Variants in SUGCT observed in about 807,000 individuals in gnomAD.
SUGCT encodes succinyl-CoA:glutarate-CoA transferase.
Under a neutral mutation model 55.0 loss-of-function variants are expected in SUGCT, and 41 were observed. The observed-to-expected ratio is 0.74, with a 90% CI of 0.58 to 0.97. The LOEUF is 0.97. SUGCT is among the 50% of genes least tolerant of loss of function. The pLI is 0.00. For missense variants in SUGCT, 568 were observed against 547.8 expected, an observed-to-expected ratio of 1.04 and a Z score of -0.37; for synonymous variants, 187 against 200.4, an observed-to-expected ratio of 0.93 and a Z score of 0.56.
intron 12 of SUGCT, among the ~76,000 whole-genome samples, chr7:40,714,414 C>A (rs945623691): frequency 1.3e-5 from 2 of 152,090 alleles, no homozygotes; most frequent in East Asian, 1.9e-4. Flanking sequence ...TCAAAAGATT[C>A]TCTGAGATTT....
At chr7:40,615,219 G>A (rs982771209) in intron 12 of SUGCT, among the ~76,000 whole-genome samples, 1 of 152,006 alleles carries the variant, frequency 6.6e-6, no homozygotes, top group Non-Finnish European at 1.5e-5. Context: ...AGATCACCCA[G>A]GGAACTACAA....
intron 9 of SUGCT, among the ~76,000 whole-genome samples, chr7:40,340,085 A>G (rs537279498): frequency 2.0e-5 from 3 of 152,320 alleles, no homozygotes; most frequent in East Asian, 3.9e-4. Flanking sequence ...TCTGCCAGAA[A>G]CCAACTCAAT....
At chr7:40,665,482 A>G (rs1410883741) in intron 12 of SUGCT, among the ~76,000 whole-genome samples, 1 of 151,666 alleles carries the variant, frequency 6.6e-6, no homozygotes, top group Non-Finnish European at 1.5e-5. Context: ...TAAATAAAGT[A>G]CTGGCTCAAG....
intron 12 of SUGCT, among the ~76,000 whole-genome samples, chr7:40,548,155 G>A (rs1795095151): frequency 6.9e-6 from 1 of 145,820 alleles, no homozygotes; most frequent in Non-Finnish European, 1.5e-5. Context: ...CTCCAAATAA[G>A]CTATAAACTT....
intron 7 of SUGCT, among the ~76,000 whole-genome samples, chr7:40,246,251 C>CT (rs11387100): frequency 0.51 from 74,963 of 147,186 alleles, 20,291 homozygotes; most frequent in Non-Finnish European, 0.62. Context: ...ATAGCATGTT[C>CT]TTTTTTTTTT....
At chr7:40,601,439 T>C (rs1798282547) in intron 12 of SUGCT, among the ~76,000 whole-genome samples, 1 of 152,218 alleles carries the variant, frequency 6.6e-6, no homozygotes, top group South Asian at 2.1e-4. Context: ...TTCTGAGTGA[T>C]AAAATAATAC....
intron 7 of SUGCT, among the ~76,000 whole-genome samples, chr7:40,270,654 G>A (rs571114196): frequency 6.6e-6 from 1 of 152,196 alleles, no homozygotes; most frequent in Admixed American, 6.5e-5. Context: ...CTCTAACTTT[G>A]TCTTTTTCTA....
intron 12 of SUGCT, among the ~76,000 whole-genome samples, chr7:40,663,533 A>G (rs1801445621): frequency 6.7e-6 from 1 of 149,136 alleles, no homozygotes; most frequent in South Asian, 2.1e-4. Context: ...ATCATTACTT[A>G]AAGGTTTATT....
chr7:40,147,113 C>T (rs593117), intron 1 of SUGCT, among the ~76,000 whole-genome samples: 2 of 151,882 alleles, frequency 1.3e-5, no homozygotes, highest in African/African-American at 2.4e-5. Context: ...GCTGGTCTTT[C>T]CCTGCCTCTG....
intron 9 of SUGCT, among the ~76,000 whole-genome samples, chr7:40,389,369 T>C (rs1785288158): frequency 1.3e-5 from 2 of 152,156 alleles, no homozygotes; most frequent in Admixed American, 6.6e-5. Flanking sequence ...GGAGAATCAA[T>C]TGAGCCCAGG....
intron 6 of SUGCT, among the ~76,000 whole-genome samples, chr7:40,221,167 A>G (rs1361844664): frequency 3.3e-5 from 5 of 152,088 alleles, no homozygotes; most frequent in Admixed American, 3.3e-4. Flanking sequence ...TAATCCCAGC[A>G]CTTTGGGAGG....
chr7:40,298,852 TA>T (rs1794343542), intron 8 of SUGCT, among the ~76,000 whole-genome samples: 2 of 151,998 alleles, frequency 1.3e-5, no homozygotes, highest in African/African-American at 4.8e-5. Context: ...TCACTAGAAA[TA>T]AAAAGTTCCA....
chr7:40,253,568 CA>C (rs1790587544), intron 7 of SUGCT, among the ~76,000 whole-genome samples: 1 of 134,136 alleles, frequency 7.5e-6, no homozygotes, highest in Admixed American at 7.7e-5. Flanking sequence ...AATATATTTA[CA>C]TTTTTTTTTT....
At chr7:40,154,740 G>A (rs538275532) in intron 1 of SUGCT, among the ~76,000 whole-genome samples, 2 of 152,246 alleles carry the variant, frequency 1.3e-5, no homozygotes, top group African/African-American at 2.4e-5. Flanking sequence ...CATTGCCTGC[G>A]TATCTGTGCT....
At chr7:40,888,510 G>A in the SUGCT span, among the ~76,000 whole-genome samples, 2 of 151,960 alleles carry the variant, frequency 1.3e-5, no homozygotes, top group African/African-American at 4.8e-5. Flanking sequence ...TTTTCCAGCA[G>A]TGTGTTTGAA....
intron 7 of SUGCT, among the ~76,000 whole-genome samples, chr7:40,261,059 G>C (rs1247285429): frequency 2.6e-5 from 4 of 152,084 alleles, no homozygotes; most frequent in Non-Finnish European, 4.4e-5. Context: ...TATAATTGGA[G>C]AAGAAAAATG....
chr7:40,557,459 A>T (rs556990212), intron 12 of SUGCT, among the ~76,000 whole-genome samples: 2 of 152,198 alleles, frequency 1.3e-5, no homozygotes, highest in African/African-American at 4.8e-5. Flanking sequence ...CATCAAAATT[A>T]AAAACTTTTG....
At chr7:40,196,198 G>A (rs1010659017) in intron 6 of SUGCT, among the ~76,000 whole-genome samples, 2 of 152,212 alleles carry the variant, frequency 1.3e-5, no homozygotes, top group African/African-American at 2.4e-5. Context: ...AAGGGAAAAA[G>A]TCACGGTGTT....
rs991262445 is a variant in SUGCT at position 40,191,228 on chromosome 7, T to G, written c.363+1634T>G. 2.6e-5 allele frequency among the ~76,000 whole-genome samples: 4 copies of G among 151,994 alleles called. No homozygotes were observed. In the East Asian group the frequency reaches 7.7e-4, roughly 29 times the overall value. On this transcript the variant is annotated intron_variant, in intron 5 of 13. Transcript: ENST00000335693. ...GATGGGGTTTCACCATATTGGTCAG[T>G]CTAGTCTCAAACTCCTAACCTCAGG... is the stretch of plus-strand genomic sequence containing the variant.
Sources: allele counts gnomAD v4.1 joint callset (sites outside exome capture counted in the v4.1 genomes callset), GRCh38; gene constraint gnomAD v4.1.1; transcripts MANE v1.5; gene names NCBI Gene and HGNC (gene_info 2026-07-23, HGNC 2026-07-21).